Variants in INPP4B observed in about 807,000 individuals in gnomAD.
The protein encoded by INPP4B is inositol polyphosphate-4-phosphatase type II B, also known as inositol polyphosphate 4-phosphatase type II.
Under a neutral mutation model 122.5 loss-of-function variants are expected in INPP4B, and 55 were observed. The ratio of observed to expected loss-of-function variants is 0.45; its 90% CI spans 0.36 to 0.56. INPP4B has a LOEUF of 0.56. Among genes scored for constraint, INPP4B ranks in the 20% least tolerant of loss-of-function variants. The probability of loss-of-function intolerance (pLI) is 0.00; values close to 1 mark genes in which losing one functional copy is unlikely to be tolerated. For synonymous variants in INPP4B, 403 were observed against 388.7 expected, an observed-to-expected ratio of 1.04 and a Z score of -0.43; for missense variants, 1,000 against 1,097.7, an observed-to-expected ratio of 0.91 and a Z score of 1.26.
intron 2 of INPP4B, among the ~76,000 whole-genome samples, chr4:142,582,521 C>G (rs1187140670): frequency 6.6e-6 from 1 of 152,078 alleles, no homozygotes; most frequent in East Asian, 1.9e-4. Flanking sequence ...ATTTATGTCA[C>G]CTGGAACTCA....
intron 2 of INPP4B, among the ~76,000 whole-genome samples, chr4:142,694,460 A>ACCCT (rs1760736300): frequency 1.3e-5 from 2 of 152,144 alleles, no homozygotes; most frequent in Non-Finnish European, 2.9e-5. Context: ...AATCTTTAAT[A>ACCCT]AATAAAGCTA....
At chr4:142,307,677 T>G (rs1325684670) in intron 8 of INPP4B, among the ~76,000 whole-genome samples, 1 of 152,322 alleles carries the variant, frequency 6.6e-6, no homozygotes, top group South Asian at 2.1e-4. Flanking sequence ...ATTTTAGCAT[T>G]TTGTATTTTA....
At chr4:142,800,250 T>C (rs1488271500) in intron 1 of INPP4B, among the ~76,000 whole-genome samples, 3 of 152,110 alleles carry the variant, frequency 2.0e-5, no homozygotes, top group Non-Finnish European at 4.4e-5. Context: ...GCAATCTCCT[T>C]TCTCCCAAAA....
chr4:142,142,721 G>A (rs907867941), intron 18 of INPP4B, among the ~76,000 whole-genome samples: 1 of 151,864 alleles, frequency 6.6e-6, no homozygotes, highest in African/African-American at 2.4e-5. Context: ...TATTAGTATT[G>A]GATTCTTAAC....
intron 2 of INPP4B, among the ~76,000 whole-genome samples, chr4:142,473,016 C>T (rs965981427): frequency 6.6e-6 from 1 of 152,162 alleles, no homozygotes; most frequent in Non-Finnish European, 1.5e-5. Context: ...CAAGGTCTCT[C>T]AGATAAATTA....
At chr4:142,337,324 A>G (rs1776991333) in intron 7 of INPP4B, among the ~76,000 whole-genome samples, 1 of 152,046 alleles carries the variant, frequency 6.6e-6, no homozygotes, top group South Asian at 2.1e-4. Flanking sequence ...TCTAGGGTAC[A>G]GACCCTAGAG....
At chr4:142,325,865 C>T (rs1186014365) in intron 7 of INPP4B, among the ~76,000 whole-genome samples, 4 of 152,140 alleles carry the variant, frequency 2.6e-5, no homozygotes, top group African/African-American at 4.8e-5. Flanking sequence ...TTCTGAGTAT[C>T]CCTGCCATTA....
chr4:142,260,434 A>T, intron 11 of INPP4B, 58 bp downstream of exon 11: 1 of 1,058,362 alleles, frequency 9.4e-7, no homozygotes, highest in Non-Finnish European at 1.5e-6. Flanking sequence ...TGTTGATTTT[A>T]CATAAAATTA....
At chr4:142,415,477 G>T (rs1017522515) in intron 5 of INPP4B, among the ~76,000 whole-genome samples, 3 of 152,052 alleles carry the variant, frequency 2.0e-5, no homozygotes, top group Non-Finnish European at 4.4e-5. Flanking sequence ...CAGTTAGAAT[G>T]GCGATCATTA....
chr4:142,484,713 A>AT lies in INPP4B; in HGVS notation c.-190-21988dup, dbSNP rs1560710849. On this transcript the variant is annotated intron_variant, in intron 2 of 25. Transcript: ENST00000262992. ...GTACAGATTATTTCATCACCTAGGT[A>AT]TTAAGCCTAGTATCCATTAGTTATT... Among the ~76,000 whole-genome samples, 14 of 152,140 alleles carry AT rather than the reference A, an allele frequency of 9.2e-5. No individual in the cohort carries two copies. In the South Asian group the frequency reaches 2.9e-3, roughly 32 times the overall value.
chr4:142,150,691 T>C (rs1210988761), intron 17 of INPP4B, among the ~76,000 whole-genome samples: 2 of 152,132 alleles, frequency 1.3e-5, no homozygotes, highest in East Asian at 1.9e-4. Context: ...TCAAACCCAA[T>C]GGCAGTAGAT....
rs554583868 is a variant in INPP4B, at chr4:142,135,634, C to G, written c.1720+10206G>C. 7.2e-5 allele frequency among the ~76,000 whole-genome samples: 11 copies of G among 152,196 alleles called. No homozygotes were observed. In the South Asian group the frequency reaches 1.2e-3, roughly 17 times the overall value. On this transcript the variant is annotated intron_variant, in intron 18 of 25. Coordinates refer to ENST00000262992, the MANE Select transcript of INPP4B (RefSeq NM_001101669.3). ...TGATGCCTATGGGCCCTTGTCATTGCAAGCCTTGCAGAAAGTGTGACAACG... is the reference window on the plus strand; with the variant it reads ...TGATGCCTATGGGCCCTTGTCATTGGAAGCCTTGCAGAAAGTGTGACAACG...
At chr4:142,392,979 T>C (rs1340387421) in intron 7 of INPP4B, among the ~76,000 whole-genome samples, 1 of 152,200 alleles carries the variant, frequency 6.6e-6, no homozygotes, top group African/African-American at 2.4e-5. Context: ...ATCCTCTTGA[T>C]AGTTGTAAAA....
chr4:142,228,988 A>G (rs552252311), intron 12 of INPP4B, among the ~76,000 whole-genome samples: 5 of 151,790 alleles, frequency 3.3e-5, no homozygotes, highest in Middle Eastern at 3.2e-3. Context: ...AGTAAAATTG[A>G]TGCAAACTTT....
At chr4:142,180,613 G>A (rs1422987748) in intron 15 of INPP4B, among the ~76,000 whole-genome samples, 2 of 152,204 alleles carry the variant, frequency 1.3e-5, no homozygotes, top group Non-Finnish European at 1.5e-5. Context: ...AGCCTGAGTA[G>A]GTTAAGTAAC....
chr4:142,816,336 T>C (rs1381464297), intron 1 of INPP4B, among the ~76,000 whole-genome samples: 2 of 152,212 alleles, frequency 1.3e-5, no homozygotes, highest in Non-Finnish European at 1.5e-5. Flanking sequence ...AACATTATGA[T>C]GATACCCTTT....
At chr4:142,398,113 C>A (rs1286222875) in intron 7 of INPP4B, among the ~76,000 whole-genome samples, 1 of 150,822 alleles carries the variant, frequency 6.6e-6, no homozygotes, top group Non-Finnish European at 1.5e-5. Flanking sequence ...CGGTGGCTCA[C>A]GCCTGTAATC....
At chr4:142,565,360 C>T (rs1731399552) in intron 2 of INPP4B, among the ~76,000 whole-genome samples, 1 of 152,056 alleles carries the variant, frequency 6.6e-6, no homozygotes, top group Non-Finnish European at 1.5e-5. Flanking sequence ...ATTGGTGATC[C>T]TAAAGGTCAA....
intron 1 of INPP4B, among the ~76,000 whole-genome samples, chr4:142,789,311 T>C (rs1026510322): frequency 5.3e-5 from 8 of 152,108 alleles, no homozygotes; most frequent in African/African-American, 1.9e-4. Context: ...TTGCTGATGA[T>C]ATGATTGTTT....
Sources: allele counts gnomAD v4.1 joint callset (sites outside exome capture counted in the v4.1 genomes callset), GRCh38; gene constraint gnomAD v4.1.1; transcripts MANE v1.5; gene names NCBI Gene and HGNC (gene_info 2026-07-23, HGNC 2026-07-21).